The following CNTN4 variants were observed in gnomAD, a reference collection of about 807,000 sequenced individuals.
CNTN4 encodes the protein contactin 4, also known as contactin-4.
Under a neutral mutation model 122.5 loss-of-function variants are expected in CNTN4, and 77 were observed. That is an observed-to-expected ratio of 0.63 (90% CI 0.52 to 0.76). The LOEUF is 0.76. Among genes scored for constraint, CNTN4 ranks in the 30% least tolerant of loss-of-function variants. The probability of loss-of-function intolerance (pLI) is 0.00; values close to 1 mark genes in which losing one functional copy is unlikely to be tolerated. For missense variants in CNTN4, 1,256 were observed against 1,259.1 expected (o/e 1.00, Z 0.04); for synonymous variants, 512 against 447.0 (o/e 1.15, Z -1.83).
At chr3:2,613,698 T>C (rs1286435337) in intron 4 of CNTN4, among the ~76,000 whole-genome samples, 1 of 152,192 alleles carries the variant, frequency 6.6e-6, no homozygotes, top group Non-Finnish European at 1.5e-5. Context: ...TCAACTCTAA[T>C]ATCAATATTA....
intron 4 of CNTN4, among the ~76,000 whole-genome samples, chr3:2,614,683 T>TC (rs2081638014): frequency 6.6e-6 from 1 of 152,074 alleles, no homozygotes; most frequent in South Asian, 2.1e-4. Context: ...AGGAAGCAGG[T>TC]TCACTGAGGA....
chr3:2,272,178 G>C (rs2041324549), intron 2 of CNTN4, among the ~76,000 whole-genome samples: 1 of 151,636 alleles, frequency 6.6e-6, no homozygotes, highest in Admixed American at 6.6e-5. Context: ...TTTTTTTTCT[G>C]ATTATAACAG....
chr3:2,177,454 A>G (rs1305455491), intron 2 of CNTN4, among the ~76,000 whole-genome samples: 1 of 151,978 alleles, frequency 6.6e-6, no homozygotes, highest in Admixed American at 6.6e-5. Flanking sequence ...TCTGCTCACC[A>G]CACTTCTTGA....
intron 2 of CNTN4, among the ~76,000 whole-genome samples, chr3:2,193,398 C>A (rs1194341266): frequency 6.6e-6 from 1 of 151,322 alleles, no homozygotes; most frequent in Non-Finnish European, 1.5e-5. Flanking sequence ...ATAGAAGGGA[C>A]TATAAAAATG....
chr3:2,493,954 G>A (rs115080401), intron 3 of CNTN4, among the ~76,000 whole-genome samples: 202 of 152,200 alleles, frequency 1.3e-3, no homozygotes, highest in African/African-American at 4.7e-3. Flanking sequence ...TAGTGGCAGA[G>A]TGAGATAGAA....
chr3:3,014,128 G>A lies in CNTN4; in HGVS notation c.1487-11974G>A, dbSNP rs910817712. Reference sequence around the variant, plus strand: ...TTGTTTTAATTCAAGAAACTAACACGTTTGTGGAATGAGGAAGTCATTAAT... The same window carrying A: ...TTGTTTTAATTCAAGAAACTAACACATTTGTGGAATGAGGAAGTCATTAAT... On this transcript the variant is annotated intron_variant, in intron 14 of 24. Coordinates refer to ENST00000418658, the MANE Select transcript of CNTN4 (RefSeq NM_175607.3). Among the ~76,000 whole-genome samples the A allele has an allele frequency of 2.6e-5, 4 of 151,754 alleles. 1 individual carries two copies. Among genetic ancestry groups the A allele is most frequent in the South Asian group, 4.2e-4 (2 of 4,810 alleles).
chr3:2,864,017 C>T (rs2093697134), intron 7 of CNTN4, among the ~76,000 whole-genome samples: 1 of 152,148 alleles, frequency 6.6e-6, no homozygotes, highest in Non-Finnish European at 1.5e-5. Context: ...AGGAATCAAC[C>T]TATTTTTAAT....
intron 4 of CNTN4, among the ~76,000 whole-genome samples, chr3:2,668,559 C>T (rs1306676393): frequency 6.6e-6 from 1 of 152,182 alleles, no homozygotes; most frequent in Admixed American, 6.5e-5. Flanking sequence ...TTGACTTCCT[C>T]TTTTCCTAAT....
At chr3:2,725,526 A>G (rs1241668683) in intron 4 of CNTN4, among the ~76,000 whole-genome samples, 1 of 152,180 alleles carries the variant, frequency 6.6e-6, no homozygotes, top group African/African-American at 2.4e-5. Context: ...GCTTGAATCT[A>G]ACAGTCTCCA....
At chr3:2,178,362 AG>A (rs2036849024) in intron 2 of CNTN4, among the ~76,000 whole-genome samples, 1 of 152,092 alleles carries the variant, frequency 6.6e-6, no homozygotes, top group Non-Finnish European at 1.5e-5. Flanking sequence ...AATATGGAAT[AG>A]GAAGAGTGTT....
chr3:2,577,080 G>T (rs2079724354), intron 4 of CNTN4, among the ~76,000 whole-genome samples: 1 of 152,152 alleles, frequency 6.6e-6, no homozygotes, highest in Non-Finnish European at 1.5e-5. Context: ...TTTCTTAGGG[G>T]TTCAAGGCTG....
intron 4 of CNTN4, among the ~76,000 whole-genome samples, chr3:2,663,349 C>T (rs2083997991): frequency 6.6e-6 from 1 of 152,092 alleles, no homozygotes; most frequent in Non-Finnish European, 1.5e-5. Flanking sequence ...GTAAAATATA[C>T]ATGACTTGGG....
chr3:2,200,387 C>T (rs1374023951), intron 2 of CNTN4, among the ~76,000 whole-genome samples: 1 of 152,168 alleles, frequency 6.6e-6, no homozygotes, highest in Admixed American at 6.5e-5. Flanking sequence ...TGGTTCCCAA[C>T]TGAGAGCAAC....
At chr3:2,350,365 A>T (rs1335125758) in intron 3 of CNTN4, among the ~76,000 whole-genome samples, 1 of 152,178 alleles carries the variant, frequency 6.6e-6, no homozygotes, top group Non-Finnish European at 1.5e-5. Flanking sequence ...TCTTAACCTC[A>T]TCTTTACTCC....
intron 13 of CNTN4, among the ~76,000 whole-genome samples, chr3:2,974,063 A>C (rs1223281941): frequency 6.6e-6 from 1 of 152,170 alleles, no homozygotes; most frequent in South Asian, 2.1e-4. Flanking sequence ...GGGGAAACTC[A>C]TGGTTGGTCC....
intron 3 of CNTN4, among the ~76,000 whole-genome samples, chr3:2,419,092 A>C (rs1053559025): frequency 2.0e-5 from 3 of 152,224 alleles, no homozygotes; most frequent in Non-Finnish European, 4.4e-5. Context: ...TCACGTTTAA[A>C]AATAATTTCT....
intron 4 of CNTN4, among the ~76,000 whole-genome samples, chr3:2,630,038 A>G (rs1296852164): frequency 1.3e-5 from 2 of 152,204 alleles, no homozygotes; most frequent in African/African-American, 4.8e-5. Flanking sequence ...ATGAAGTTTC[A>G]TTGGAACACA....
chr3:2,480,602 A>G lies in CNTN4; in HGVS notation c.-88-90814A>G, dbSNP rs192531423. 3.0e-3 allele frequency among the ~76,000 whole-genome samples: 453 copies of G among 152,356 alleles called. 2 individuals carry two copies. Among genetic ancestry groups the G allele is most frequent in the African/African-American group, 0.011 (438 of 41,586 alleles). On this transcript the variant is annotated intron_variant, in intron 3 of 24. Coordinates refer to ENST00000418658, the MANE Select transcript of CNTN4 (RefSeq NM_175607.3). ...ATGTGAAGAAAACTAGAAAACTCTG[A>G]TAAAAGAACTAAATAAGTGGAAATA...
At chr3:2,851,220 A>G (rs954786178) in intron 7 of CNTN4, among the ~76,000 whole-genome samples, 3 of 152,176 alleles carry the variant, frequency 2.0e-5, no homozygotes, top group Non-Finnish European at 4.4e-5. Context: ...ATCTTAATCC[A>G]TCTCTCGTGG....
Sources: gnomAD v4.1 joint callset for allele counts (sites outside exome capture counted in the v4.1 genomes callset) on GRCh38, gnomAD v4.1.1 for gene constraint, MANE v1.5 for transcripts, NCBI Gene and HGNC (gene_info 2026-07-23, HGNC 2026-07-21) for gene names.